SLAIN2: variants seen among roughly 807,000 people sequenced by gnomAD.
SLAIN2 encodes SLAIN family member 2.
A neutral mutation model predicts 56.6 loss-of-function variants in SLAIN2; 31 were observed. The observed-to-expected ratio is 0.55, with a 90% CI of 0.41 to 0.74. The LOEUF is 0.74. SLAIN2 is among the 30% of genes least tolerant of loss of function. SLAIN2 has a pLI of 0.00. For missense variants in SLAIN2, 777 were observed against 754.2 expected, an observed-to-expected ratio of 1.03 and a Z score of -0.35; for synonymous variants, 317 against 284.9, an observed-to-expected ratio of 1.11 and a Z score of -1.13.
At chr4:48,357,848 C>T (rs1309479598) in intron 1 of SLAIN2, among the ~76,000 whole-genome samples, 4 of 152,080 alleles carry the variant, frequency 2.6e-5, no homozygotes, top group African/African-American at 4.8e-5. Flanking sequence ...AGCCACCGCA[C>T]CCGGCCCCAC....
At chr4:48,364,275 A>T (rs1230447075) in intron 1 of SLAIN2, among the ~76,000 whole-genome samples, 1 of 86,826 alleles carries the variant, frequency 1.2e-5, no homozygotes, top group Non-Finnish European at 2.5e-5. Flanking sequence ...ATCTCAGACG[A>T]TGGGCGGCGG....
chr4:48,400,427 T>G (rs1163368192), intron 6 of SLAIN2, among the ~76,000 whole-genome samples: 1 of 141,146 alleles, frequency 7.1e-6, no homozygotes, highest in Non-Finnish European at 1.5e-5. Flanking sequence ...GACAGAGTCT[T>G]GCTCTGTCGC....
rs141443573 is a variant in SLAIN2, at chr4:48,377,893, C to T, written c.539-3C>T. 60 of 1,611,042 alleles carry T rather than the reference C, an allele frequency of 3.7e-5. No individual in the cohort carries two copies. In the East Asian group the frequency reaches 1.3e-3, roughly 35 times the overall value. On this transcript the variant is annotated splice_polypyrimidine_tract_variant and splice_region_variant and intron_variant, in intron 2 of 7. Coordinates refer to ENST00000264313, the MANE Select transcript of SLAIN2 (RefSeq NM_020846.2). ...TTTGATTTTCCCCTTCTCATTAATG[C>T]AGCTCTCAAGAGGCAGAATTTATAT...
At chr4:48,412,644 CT>C (rs1716892790) in intron 6 of SLAIN2, among the ~76,000 whole-genome samples, 2 of 152,100 alleles carry the variant, frequency 1.3e-5, no homozygotes, top group Non-Finnish European at 1.5e-5. Flanking sequence ...TCATATATAT[CT>C]TTTTGTATTT....
intron 3 of SLAIN2, 65 bp downstream of exon 3, chr4:48,378,125 A>G: frequency 6.7e-7 from 1 of 1,500,130 alleles, no homozygotes; most frequent in Non-Finnish European, 9.0e-7. Context: ...GTATCAGAAA[A>G]TAACATTCAT....
chr4:48,378,461 G>A (rs531149260), intron 3 of SLAIN2, among the ~76,000 whole-genome samples: 18 of 152,312 alleles, frequency 1.2e-4, no homozygotes, highest in African/African-American at 4.1e-4. Flanking sequence ...GGTTAGAGGT[G>A]AATGTACCAG....
intron 6 of SLAIN2, among the ~76,000 whole-genome samples, chr4:48,411,704 T>C (rs1716852948): frequency 6.6e-6 from 1 of 152,206 alleles, no homozygotes; most frequent in Non-Finnish European, 1.5e-5. Flanking sequence ...GACCTTACAG[T>C]AGACCTCTTG....
intron 1 of SLAIN2, among the ~76,000 whole-genome samples, chr4:48,352,422 AG>A (rs1715037834): frequency 6.6e-6 from 1 of 152,226 alleles, no homozygotes; most frequent in African/African-American, 2.4e-5. Flanking sequence ...TTTGGTTTCA[AG>A]ATTGTTTAGT....
chr4:48,358,881 T>A (rs1001065658), intron 1 of SLAIN2, among the ~76,000 whole-genome samples: 1 of 151,834 alleles, frequency 6.6e-6, no homozygotes, highest in African/African-American at 2.4e-5. Flanking sequence ...CAGCCACGAC[T>A]GGCTAATTTT....
rs752811728 is a variant in SLAIN2 at position 48,420,195 on chromosome 4, A to G, written c.1431A>G (p.Ala477=). The change falls in exon 7 of 8, where the codon GCA becomes GCG. Residue 477 remains alanine, a synonymous_variant. Transcript: ENST00000264313. ...TGGCTCTTCGGCAACCAGTGAAAGC[A>G]TTTAGTAACCATGGCTCTGGTTCTC... The part of the protein sequence containing the change: ...SPLALRQPVK[A]FSNHGSGSPG... 1 of 1,613,954 alleles carries G rather than the reference A, an allele frequency of 6.2e-7. No individual in the cohort carries two copies. Among genetic ancestry groups the G allele is most frequent in the African/African-American group, 1.3e-5 (1 of 75,058 alleles).
chr4:48,400,758 T>G (rs557409810), intron 6 of SLAIN2, among the ~76,000 whole-genome samples: 6 of 152,060 alleles, frequency 3.9e-5, no homozygotes, highest in South Asian at 2.1e-4. Context: ...AAAAAAAGCT[T>G]CTAAATTCGT....
Position 48,341,824 on chromosome 4 carries a change from G to C in SLAIN2, c.85G>C (p.Glu29Gln), listed in dbSNP as rs1212929915. 1 of 1,532,906 alleles carries C rather than the reference G, an allele frequency of 6.5e-7. No homozygotes were observed. Among genetic ancestry groups the C allele is most frequent in the Non-Finnish European group, 8.8e-7 (1 of 1,140,142 alleles). 95.0% of individuals were successfully genotyped at this position (1,532,906 alleles called of 1,614,324 possible). Reference sequence around the variant, plus strand: ...GGTGAAGAAGCTGGAGAAGCAGAACGAACAGCTGAGGAGCCGCTCGGGGGC... The same window carrying C: ...GGTGAAGAAGCTGGAGAAGCAGAACCAACAGCTGAGGAGCCGCTCGGGGGC... ...ELVKKLEKQNEQLRSRSGAVQ... is the reference protein window; with the variant it reads ...ELVKKLEKQNQQLRSRSGAVQ... The change falls in exon 1 of 8, where the codon GAA (glutamate) becomes CAA (glutamine). Residue 29 changes from glutamate to glutamine, a missense_variant. Physicochemically the swap from Glu to Gln is conservative, Grantham distance 29. Coordinates refer to ENST00000264313, the MANE Select transcript of SLAIN2 (RefSeq NM_020846.2).
At chr4:48,365,958 A>T (rs114153471) in intron 1 of SLAIN2, among the ~76,000 whole-genome samples, 4,271 of 152,316 alleles carry the variant, frequency 0.028, 66 homozygotes, top group Admixed American at 0.045. Context: ...TTGAAATTAC[A>T]AATTTTTCTC....
In SLAIN2 at chr4:48,418,063, T is replaced by G. The variant is rs1235926388; in HGVS notation, c.1361-2062T>G. 1.4e-5 allele frequency among the ~76,000 whole-genome samples: 2 copies of G among 144,354 alleles called. 1 individual carries two copies. The highest frequency in any genetic ancestry group is 5.1e-4 in the South Asian group (2 of 3,956). The allele number at this position is 144,354 out of a possible 152,430, so 94.7% of individuals were successfully genotyped here. A position where few individuals can be genotyped will look rare whatever the true frequency, so the allele number is the denominator to read the frequency against. The stretch of plus-strand genomic sequence containing the variant: ...GGGGACAGTTTCTAACCTCTGTGCC[T>G]TTTATTATTATTTCTTCTTCTTCTT... On this transcript the variant is annotated intron_variant, in intron 6 of 7. Transcript: ENST00000264313.
At chr4:48,419,576 GT>G (rs143313286) in intron 6 of SLAIN2, among the ~76,000 whole-genome samples, 98 of 152,132 alleles carry the variant, frequency 6.4e-4, no homozygotes, top group African/African-American at 2.3e-3. Context: ...CTTTTTGTTT[GT>G]TTTTTCATCA....
intron 1 of SLAIN2, among the ~76,000 whole-genome samples, chr4:48,360,937 T>C (rs1258639146): frequency 6.6e-6 from 1 of 152,200 alleles, no homozygotes; most frequent in Non-Finnish European, 1.5e-5. Context: ...TTTTATTGCC[T>C]CCAACACATT....
At chr4:48,370,122 T>C in intron 2 of SLAIN2, 125 bp downstream of exon 2, 1 of 919,234 alleles carries the variant, frequency 1.1e-6, no homozygotes, top group Admixed American at 2.9e-5. Context: ...ATTGTTCATA[T>C]CATCATGAGA....
At chr4:48,385,644 T>C (rs553181632) in intron 6 of SLAIN2, among the ~76,000 whole-genome samples, 12 of 151,904 alleles carry the variant, frequency 7.9e-5, no homozygotes, top group Non-Finnish European at 1.5e-4. Flanking sequence ...TTTTCTTTTT[T>C]TTTTGATTGA....
At chr4:48,410,141 G>A (rs114620568) in intron 6 of SLAIN2, among the ~76,000 whole-genome samples, 2,320 of 152,260 alleles carry the variant, frequency 0.015, 43 homozygotes, top group African/African-American at 0.052. Flanking sequence ...CGATCCTGGT[G>A]AAGTGTTGTA....
Sources: gnomAD v4.1 joint callset for allele counts (sites outside exome capture counted in the v4.1 genomes callset) on GRCh38, gnomAD v4.1.1 for gene constraint, MANE v1.5 for transcripts, NCBI Gene and HGNC (gene_info 2026-07-23, HGNC 2026-07-21) for gene names.